Variants in ASTN1 observed in about 807,000 individuals in gnomAD.
ASTN1 encodes the protein astrotactin-1.
A neutral mutation model predicts 140.7 loss-of-function variants in ASTN1; 41 were observed. That is an observed-to-expected ratio of 0.29 (90% CI 0.23 to 0.38). ASTN1 has a LOEUF of 0.38. Among genes scored for constraint, ASTN1 ranks in the 10% least tolerant of loss-of-function variants. ASTN1 has a pLI of 1.00. For missense variants in ASTN1, 1,479 were observed against 1,678.8 expected (o/e 0.88, Z 2.08); for synonymous variants, 640 against 652.2 (o/e 0.98, Z 0.29).
At chr1:177,141,329 G>A (rs918296234) in intron 1 of ASTN1, among the ~76,000 whole-genome samples, 1 of 152,166 alleles carries the variant, frequency 6.6e-6, no homozygotes, top group African/African-American at 2.4e-5. Flanking sequence ...TGCAATGAAT[G>A]ATGGGGGCTT....
intron 20 of ASTN1, among the ~76,000 whole-genome samples, chr1:176,878,865 CAAT>C (rs1270505368): frequency 6.6e-6 from 1 of 152,202 alleles, no homozygotes; most frequent in African/African-American, 2.4e-5. Flanking sequence ...CCAGGATTAA[CAAT>C]GTCATACAAA....
intron 2 of ASTN1, among the ~76,000 whole-genome samples, chr1:177,039,777 C>T (rs1327485436): frequency 6.6e-6 from 1 of 152,120 alleles, no homozygotes; most frequent in Admixed American, 6.6e-5. Context: ...TAACACTGAT[C>T]CCTGTCAAAC....
chr1:177,046,033 T>G (rs1322148172), intron 2 of ASTN1, among the ~76,000 whole-genome samples: 1 of 152,224 alleles, frequency 6.6e-6, no homozygotes, highest in Non-Finnish European at 1.5e-5. Context: ...GGAGAAGTTC[T>G]TCTTAACTTC....
intron 8 of ASTN1, among the ~76,000 whole-genome samples, chr1:177,007,123 T>G (rs1391819547): frequency 2.0e-5 from 3 of 152,146 alleles, no homozygotes; most frequent in Non-Finnish European, 4.4e-5. Context: ...CCAGGTGCGG[T>G]GGTTCACGCT....
chr1:177,083,385 G>A (rs759239999), intron 1 of ASTN1, among the ~76,000 whole-genome samples: 11 of 152,044 alleles, frequency 7.2e-5, no homozygotes, highest in Non-Finnish European at 1.6e-4. Flanking sequence ...TTCTGGAAGG[G>A]AATTTGCTGT....
rs569186614 is a variant in ASTN1 at position 176,953,079 on chromosome 1, T to G, written c.1888-3728A>C. ...ATGGCTTCTTGACTTATTAGTGGTA[T>G]AAGGCATAATTGGCTAATGAGATTA... On this transcript the variant is annotated intron_variant, in intron 11 of 22. Transcript: ENST00000361833. Among the ~76,000 whole-genome samples, 5 of 152,358 alleles carry G rather than the reference T, an allele frequency of 3.3e-5. No individual in the cohort carries two copies. The South Asian group carries it at 1.0e-3, about 32-fold the overall frequency.
intron 1 of ASTN1, among the ~76,000 whole-genome samples, chr1:177,108,720 C>A (rs138909106): frequency 6.6e-6 from 1 of 152,208 alleles, no homozygotes; most frequent in Non-Finnish European, 1.5e-5. Context: ...GTTTGAAAGG[C>A]AAAGGGAGAA....
Position 177,164,271 on chromosome 1 carries a change from A to C in ASTN1, c.283+123T>G, listed in dbSNP as rs180777995. The C allele has an allele frequency of 5.7e-4, 622 of 1,086,312 alleles. 6 individuals are homozygous for C. In the East Asian group the frequency reaches 9.8e-3, roughly 17 times the overall value. 67.3% of individuals were successfully genotyped at this position (1,086,312 alleles called of 1,614,324 possible). A position where few individuals can be genotyped will look rare whatever the true frequency, so the allele number is the denominator to read the frequency against. On this transcript the variant is annotated intron_variant, in intron 1 of 22. Transcript: ENST00000361833. ...GGAGAATGGTCCGGGAGTGGGGCGGATCCGGGAGGTAGGAGTGGGGGAGGG... is the reference window on the plus strand; with the variant it reads ...GGAGAATGGTCCGGGAGTGGGGCGGCTCCGGGAGGTAGGAGTGGGGGAGGG...
intron 21 of ASTN1, among the ~76,000 whole-genome samples, chr1:176,875,321 G>A (rs918084869): frequency 6.6e-6 from 1 of 152,178 alleles, no homozygotes; most frequent in African/African-American, 2.4e-5. Flanking sequence ...CGAAGTGCTG[G>A]AGAAGTGGGC....
At chr1:177,037,874 A>G (rs1021430457) in intron 2 of ASTN1, among the ~76,000 whole-genome samples, 2 of 152,214 alleles carry the variant, frequency 1.3e-5, no homozygotes, top group Non-Finnish European at 2.9e-5. Flanking sequence ...AAAAATCAAT[A>G]AATCATTTCT....
At chr1:176,915,149 A>G (rs1443954640) in intron 16 of ASTN1, among the ~76,000 whole-genome samples, 1 of 152,232 alleles carries the variant, frequency 6.6e-6, no homozygotes, top group Non-Finnish European at 1.5e-5. Context: ...AATAATTTGA[A>G]CATAAAAATC....
At chr1:176,954,298 T>C (rs543965050) in intron 11 of ASTN1, among the ~76,000 whole-genome samples, 5 of 152,228 alleles carry the variant, frequency 3.3e-5, no homozygotes, top group South Asian at 4.2e-4. Flanking sequence ...GGAGGCAGAA[T>C]TGGAGAGAGA....
Position 177,032,761 on chromosome 1 carries a change from G to A in ASTN1, c.560C>T (p.Pro187Leu). 2.5e-6 allele frequency: 4 copies of A among 1,613,438 alleles called. No homozygotes were observed. Among genetic ancestry groups the A allele is most frequent in the Non-Finnish European group, 3.4e-6 (4 of 1,179,996 alleles). The part of the protein sequence containing the change: ...RRRWCKRRRV[P>L]QPQKSASAEA... ...AGCACTGGCACTCTTCTGGGGCTGC[G>A]GGACCCGGCGGCGTTTGCACCAGCG... The change falls in exon 3 of 23, where the codon CCG becomes CTG. Residue 187 changes from proline to leucine, a missense_variant. By Grantham distance (98) the Pro-to-Leu change is moderately conservative. Coordinates refer to ENST00000361833, the MANE Select transcript of ASTN1 (RefSeq NM_004319.3).
rs538947187 is a variant in ASTN1, at chr1:177,088,142, A to G, written c.284-26877T>C. ...CCATTTAGTGTAGGCCTAAAGGCTT[A>G]GATTTTGAAAATATATCTGAATGCC... is the stretch of plus-strand genomic sequence containing the variant. On this transcript the variant is annotated intron_variant, in intron 1 of 22. Coordinates refer to ENST00000361833, the MANE Select transcript of ASTN1 (RefSeq NM_004319.3). 1.1e-4 allele frequency among the ~76,000 whole-genome samples: 16 copies of G among 152,334 alleles called. No individual in the cohort carries two copies. In the East Asian group the frequency reaches 2.9e-3, roughly 28 times the overall value.
chr1:176,966,881 T>C (rs978539316), intron 8 of ASTN1, among the ~76,000 whole-genome samples: 2 of 152,034 alleles, frequency 1.3e-5, no homozygotes, highest in Admixed American at 1.3e-4. Flanking sequence ...TTAATTAATA[T>C]TGAGACACTA....
intron 2 of ASTN1, among the ~76,000 whole-genome samples, chr1:177,042,709 C>G (rs1041114630): frequency 6.6e-6 from 1 of 152,164 alleles, no homozygotes; most frequent in African/African-American, 2.4e-5. Context: ...AGTAACTTAT[C>G]CAAGTTTACA....
chr1:177,093,806 A>G (rs1283286587), intron 1 of ASTN1, among the ~76,000 whole-genome samples: 1 of 152,220 alleles, frequency 6.6e-6, no homozygotes, highest in Non-Finnish European at 1.5e-5. Context: ...AATGATTCAG[A>G]GTTTGTTTTT....
chr1:176,983,950 G>A (rs1361280661), intron 8 of ASTN1, among the ~76,000 whole-genome samples: 1 of 152,124 alleles, frequency 6.6e-6, no homozygotes, highest in Non-Finnish European at 1.5e-5. Context: ...ACAGATGCTG[G>A]GCCTGCCACT....
chr1:176,971,581 A>C (rs1673142468), intron 8 of ASTN1, among the ~76,000 whole-genome samples: 1 of 152,216 alleles, frequency 6.6e-6, no homozygotes, highest in Non-Finnish European at 1.5e-5. Context: ...CTAACTTAAA[A>C]ATGACTTCCT....
Sources: allele counts gnomAD v4.1 joint callset (sites outside exome capture counted in the v4.1 genomes callset), GRCh38; gene constraint gnomAD v4.1.1; transcripts MANE v1.5; gene names NCBI Gene and HGNC (gene_info 2026-07-23, HGNC 2026-07-21).